ROBO2: variants seen among roughly 807,000 people sequenced by gnomAD.
The protein encoded by ROBO2 is roundabout guidance receptor 2, also known as roundabout homolog 2.
In ROBO2, 53 loss-of-function variants were observed where a neutral mutation model predicts 160.8. The observed-to-expected ratio is 0.33, with a 90% CI of 0.26 to 0.41. The LOEUF is 0.41. ROBO2 is among the 10% of genes least tolerant of loss of function. The pLI is 1.00. For missense variants in ROBO2, 1,577 were observed against 1,722.4 expected (o/e 0.92, Z 1.49); for synonymous variants, 664 against 611.7 (o/e 1.09, Z -1.26).
intron 2 of ROBO2, among the ~76,000 whole-genome samples, chr3:76,119,920 T>TTCCTTCCTCCCTC (rs1559566729): frequency 1.4e-4 from 4 of 28,492 alleles, no homozygotes; most frequent in African/African-American, 2.1e-4. Context: ...CTCCCTCCCT[T>TTCCTTCCTCCCTC]CCTTCCTTCC....
At chr3:76,265,610 C>T (rs757803724) in intron 2 of ROBO2, among the ~76,000 whole-genome samples, 1 of 152,034 alleles carries the variant, frequency 6.6e-6, no homozygotes, top group African/African-American at 2.4e-5. Context: ...ATTTTGAGCA[C>T]CTGCAAAGTG....
chr3:76,304,543 G>A (rs566392415), intron 2 of ROBO2, among the ~76,000 whole-genome samples: 1 of 152,220 alleles, frequency 6.6e-6, no homozygotes, highest in African/African-American at 2.4e-5. Flanking sequence ...ATTTTATTCT[G>A]ATGGCTTGTT....
intron 1 of ROBO2, among the ~76,000 whole-genome samples, chr3:77,052,488 G>C (rs143771212): frequency 9.0e-4 from 137 of 152,260 alleles, no homozygotes; most frequent in African/African-American, 3.2e-3. Flanking sequence ...TGTTTTGAAG[G>C]GGGGAAAAGG....
intron 2 of ROBO2, among the ~76,000 whole-genome samples, chr3:77,351,556 G>A (rs143926579): frequency 8.7e-4 from 133 of 152,238 alleles, no homozygotes; most frequent in African/African-American, 2.9e-3. Flanking sequence ...GTTGAGAATC[G>A]TAAGGTGCCT....
rs146204136 is a variant in ROBO2 at position 77,182,061 on chromosome 3, T to C, written c.388+83721T>C. On this transcript the variant is annotated intron_variant, in intron 2 of 25. Coordinates refer to ENST00000461745, the Ensembl canonical transcript of ROBO2. ...TATTTTGTAGATGGTTATTTCTTTG[T>C]ATACAGTTGTTTCATGCATAGAGCT... 3.8e-3 allele frequency among the ~76,000 whole-genome samples: 579 copies of C among 152,232 alleles called. 5 individuals are homozygous for C. The highest frequency in any genetic ancestry group is 0.013 in the African/African-American group (550 of 41,572).
At chr3:77,543,059 C>G (rs940679871) in intron 6 of ROBO2, among the ~76,000 whole-genome samples, 1 of 152,058 alleles carries the variant, frequency 6.6e-6, no homozygotes, top group African/African-American at 2.4e-5. Flanking sequence ...TGCTGCTTCT[C>G]TTTGTCCCAA....
At chr3:77,642,208 A>C (rs937097553) in intron 24 of ROBO2, among the ~76,000 whole-genome samples, 5 of 152,206 alleles carry the variant, frequency 3.3e-5, no homozygotes, top group African/African-American at 1.2e-4. Context: ...ATGACACGGC[A>C]TACAGTTCTA....
Position 77,157,075 on chromosome 3 carries a change from A to G in ROBO2, c.388+58735A>G, listed in dbSNP as rs76278457. Among the ~76,000 whole-genome samples, 432 of 152,180 alleles carry G rather than the reference A, an allele frequency of 2.8e-3. 1 individual carries two copies. Among genetic ancestry groups the G allele is most frequent in the African/African-American group, 0.01 (418 of 41,548 alleles). ...GGTGATGTCAATGATGAGTCTGCACATTAAATAGGCCCTACAGATGAGTTT... is the reference window on the plus strand; with the variant it reads ...GGTGATGTCAATGATGAGTCTGCACGTTAAATAGGCCCTACAGATGAGTTT... On this transcript the variant is annotated intron_variant, in intron 2 of 25. Coordinates refer to ENST00000461745, the Ensembl canonical transcript of ROBO2.
At chr3:77,456,494 C>G (rs768875448) in intron 2 of ROBO2, among the ~76,000 whole-genome samples, 8 of 152,144 alleles carry the variant, frequency 5.3e-5, no homozygotes, top group Non-Finnish European at 1.2e-4. Flanking sequence ...GTGTGCAAAA[C>G]TTTCATTTTG....
intron 2 of ROBO2, among the ~76,000 whole-genome samples, chr3:76,911,346 T>A (rs1176067468): frequency 6.6e-6 from 1 of 152,194 alleles, no homozygotes; most frequent in Non-Finnish European, 1.5e-5. Context: ...GCAAGTAAAA[T>A]TGGAAAACCT....
At position 76,341,404 on chromosome 3, in the gene ROBO2, C is replaced by T. The variant is rs888059893; in HGVS notation, c.109+403802C>T. Among the ~76,000 whole-genome samples, 9 of 120,112 alleles carry T rather than the reference C, an allele frequency of 7.5e-5. 1 individual carries two copies. The South Asian group carries it at 1.3e-3, about 18-fold the overall frequency. The allele number at this position is 120,112 out of a possible 152,430, so 78.8% of individuals were successfully genotyped here. A position where few individuals can be genotyped will look rare whatever the true frequency, so the allele number is the denominator to read the frequency against. The stretch of plus-strand genomic sequence containing the variant: ...TGGCCCCAGAACTAAGAATGCTTTT[C>T]GCTTTTTTAAAGCGTAAAAAAAAAA... On this transcript the variant is annotated intron_variant, in intron 2 of 26. Transcript: ENST00000487694.
chr3:76,795,087 G>A (rs2063601467), intron 2 of ROBO2, among the ~76,000 whole-genome samples: 1 of 152,046 alleles, frequency 6.6e-6, no homozygotes, highest in South Asian at 2.1e-4. Flanking sequence ...ATACCATTAT[G>A]TCTAAAAATG....
chr3:77,030,331 T>C (rs2063243599), intron 2 of ROBO2, among the ~76,000 whole-genome samples: 1 of 152,208 alleles, frequency 6.6e-6, no homozygotes, highest in Non-Finnish European at 1.5e-5. Context: ...TATACATGTA[T>C]TTATTTGTGT....
chr3:77,038,098 T>C (rs901859459), upstream of ROBO2, among the ~76,000 whole-genome samples: 3 of 152,208 alleles, frequency 2.0e-5, no homozygotes, highest in African/African-American at 7.2e-5. Flanking sequence ...TAGCGCACTT[T>C]TGGATGTTTC....
chr3:77,188,249 T>TA (rs1470426990), intron 2 of ROBO2, among the ~76,000 whole-genome samples: 1 of 143,462 alleles, frequency 7.0e-6, no homozygotes, highest in Non-Finnish European at 1.5e-5. Context: ...TAAATGGACT[T>TA]ACAAACATAC....
intron 2 of ROBO2, among the ~76,000 whole-genome samples, chr3:77,435,295 G>A (rs1411356266): frequency 5.3e-5 from 8 of 151,126 alleles, no homozygotes; most frequent in Non-Finnish European, 8.9e-5. Context: ...GATTGTAGAC[G>A]AAAAAAGAAA....
intron 1 of ROBO2, among the ~76,000 whole-genome samples, chr3:77,093,996 A>C (rs1289686895): frequency 7.9e-5 from 12 of 152,202 alleles, no homozygotes; most frequent in Non-Finnish European, 2.9e-5. Flanking sequence ...GATATAATTC[A>C]TATTCCACAA....
intron 5 of ROBO2, among the ~76,000 whole-genome samples, chr3:77,499,732 T>C (rs1350603662): frequency 6.8e-6 from 1 of 146,318 alleles, no homozygotes; most frequent in African/African-American, 2.5e-5. Context: ...CACTGCACCC[T>C]CCACCTCCCG....
At chr3:77,473,440 CTTTT>C (rs71104688) in intron 2 of ROBO2, among the ~76,000 whole-genome samples, 18 of 77,914 alleles carry the variant, frequency 2.3e-4, no homozygotes, top group African/African-American at 7.9e-4. Flanking sequence ...ACAAACTGCT[CTTTT>C]TTTTTTTTTT....
Sources: allele counts gnomAD v4.1 joint callset (sites outside exome capture counted in the v4.1 genomes callset), GRCh38; gene constraint gnomAD v4.1.1; transcripts MANE v1.5; gene names NCBI Gene and HGNC (gene_info 2026-07-23, HGNC 2026-07-21).